The following KIF13B variants were observed in gnomAD, a reference collection of about 807,000 sequenced individuals.
The protein encoded by KIF13B is kinesin-like protein KIF13B.
Under a neutral mutation model 222.0 loss-of-function variants are expected in KIF13B, and 127 were observed. That is an observed-to-expected ratio of 0.57 (90% CI 0.50 to 0.66). The LOEUF (loss-of-function observed/expected upper bound fraction) is 0.66. KIF13B is among the 30% of genes least tolerant of loss of function. KIF13B has a pLI of 0.00. For synonymous variants in KIF13B, 976 were observed against 919.0 expected, an observed-to-expected ratio of 1.06 and a Z score of -1.12; for missense variants, 2,173 against 2,379.0, an observed-to-expected ratio of 0.91 and a Z score of 1.80.
In KIF13B at chr8:29,140,055, G is replaced by T; in HGVS notation, c.2613+8C>A. 1.3e-6 allele frequency: 2 copies of T among 1,572,220 alleles called. No homozygotes were observed. The highest frequency in any genetic ancestry group is 2.4e-5 in the East Asian group (1 of 42,328). On this transcript the variant is annotated splice_region_variant and intron_variant, in intron 21 of 39. Coordinates refer to ENST00000524189, the MANE Select transcript of KIF13B (RefSeq NM_015254.4). ...TCAACGTAATACTAGGATGAAGCTG[G>T]GACTTACCATGCACACCAGTTTGTT... is the stretch of plus-strand genomic sequence containing the variant.
At chr8:29,145,003 C>CT (rs1399915039) in intron 18 of KIF13B, among the ~76,000 whole-genome samples, 1 of 152,102 alleles carries the variant, frequency 6.6e-6, no homozygotes, top group South Asian at 2.1e-4. Flanking sequence ...CAGGTTTCTG[C>CT]TTTTTTCAAC....
At chr8:29,122,295 A>G (rs1052003402) in intron 29 of KIF13B, among the ~76,000 whole-genome samples, 1 of 152,198 alleles carries the variant, frequency 6.6e-6, no homozygotes, top group African/African-American at 2.4e-5. Context: ...AAATATTTTT[A>G]GTGCAGAAAA....
At chr8:29,131,259 C>A (rs190022879) in intron 23 of KIF13B, among the ~76,000 whole-genome samples, 1 of 151,522 alleles carries the variant, frequency 6.6e-6, no homozygotes, top group East Asian at 1.9e-4. Flanking sequence ...AATCACACCC[C>A]AAAGCTCAGC....
chr8:29,255,319 C>T (rs1214832139), intron 1 of KIF13B, among the ~76,000 whole-genome samples: 1 of 152,060 alleles, frequency 6.6e-6, no homozygotes, highest in Non-Finnish European at 1.5e-5. Flanking sequence ...AATGGATGAC[C>T]CCAGTACCCT....
At chr8:29,075,649 A>G (rs1032374916) in intron 37 of KIF13B, among the ~76,000 whole-genome samples, 1 of 152,234 alleles carries the variant, frequency 6.6e-6, no homozygotes, top group African/African-American at 2.4e-5. Flanking sequence ...TGTACAGACA[A>G]GCATTATGAG....
chr8:29,168,434 G>A (rs1348063007), intron 10 of KIF13B, among the ~76,000 whole-genome samples: 1 of 152,182 alleles, frequency 6.6e-6, no homozygotes, highest in Non-Finnish European at 1.5e-5. Context: ...ACCTCCTGGC[G>A]CCCACACCCT....
rs1204828151 is a variant in KIF13B at position 29,071,778 on chromosome 8, A to G, written c.5060T>C (p.Leu1687Pro). The G allele has an allele frequency of 1.3e-6, 2 of 1,548,768 alleles. No homozygotes were observed. The highest frequency in any genetic ancestry group is 2.0e-5 in the Admixed American group (1 of 50,990). Residue 1687 changes from leucine (L) to proline (P), a missense_variant, in exon 39 of 40, where the codon CTG (leucine) becomes CCG (proline). Physicochemically the swap from Leu to Pro is moderately conservative, Grantham distance 98. Transcript: ENST00000524189. The surrounding 1 kb of genome is among the most constrained non-coding windows in gnomAD (Gnocchi z 4.9). ...APAPGAGGQA[L>P]ASDSEEADEV... Reference sequence around the variant, plus strand: ...GTCAGCTTCCTCGGAATCAGAGGCCAGGGCCTGTCCCCCGGCGCCCGGGGC... The same window carrying G: ...GTCAGCTTCCTCGGAATCAGAGGCCGGGGCCTGTCCCCCGGCGCCCGGGGC...
At chr8:29,181,476 C>G (rs1330430732) in intron 7 of KIF13B, among the ~76,000 whole-genome samples, 1 of 152,124 alleles carries the variant, frequency 6.6e-6, no homozygotes, top group Non-Finnish European at 1.5e-5. Context: ...TTAGGTGCAA[C>G]TGAACACAAT....
intron 2 of KIF13B, among the ~76,000 whole-genome samples, chr8:29,226,555 A>G (rs1473637906): frequency 6.6e-6 from 1 of 152,174 alleles, no homozygotes; most frequent in African/African-American, 2.4e-5. Flanking sequence ...CAACCCTTGG[A>G]GCAATTCCAT....
chr8:29,178,711 GAAAC>G (rs1812588763), intron 8 of KIF13B, among the ~76,000 whole-genome samples: 1 of 144,360 alleles, frequency 6.9e-6, no homozygotes, highest in Non-Finnish European at 1.5e-5. Context: ...AAGGAAATAA[GAAAC>G]AAAGAACTTT....
rs183597488 is a variant in KIF13B, at chr8:29,099,179, G to A, written c.4278C>T (p.Ala1426=). Residue 1426 remains alanine, a synonymous_variant, in exon 36 of 40, where the codon GCC becomes GCT. Transcript: ENST00000524189. ...QTTVSRGIAP[A]PALSVSPQNN... is the part of the protein sequence containing the mutation. ...TTTGGGGAGAAACAGAGAGGGCGGG[G>A]GCAGGAGCTATTCCTCTGGAAACTG... 3.3e-4 allele frequency: 526 copies of A among 1,613,580 alleles called. 3 individuals carry two copies. The highest frequency in any genetic ancestry group is 1.9e-5 in the Non-Finnish European group (23 of 1,179,676).
intron 2 of KIF13B, among the ~76,000 whole-genome samples, chr8:29,201,264 T>C (rs1417403645): frequency 6.6e-6 from 1 of 152,240 alleles, no homozygotes; most frequent in Non-Finnish European, 1.5e-5. Flanking sequence ...TATGGCTGCA[T>C]ATCTGGGATA....
intron 37 of KIF13B, among the ~76,000 whole-genome samples, chr8:29,090,476 A>G (rs530254937): frequency 6.6e-6 from 1 of 152,270 alleles, no homozygotes; most frequent in African/African-American, 2.4e-5. Flanking sequence ...AAGTCAGGCG[A>G]AGGAAGTTGC....
At chr8:29,149,766 A>C (rs1811217758) in intron 15 of KIF13B, among the ~76,000 whole-genome samples, 1 of 152,170 alleles carries the variant, frequency 6.6e-6, no homozygotes, top group Non-Finnish European at 1.5e-5. Context: ...ACCAGACTTT[A>C]GCCATGACTT....
chr8:29,217,501 G>T lies in KIF13B; in HGVS notation c.150-21302C>A, dbSNP rs142509853. 3.2e-3 allele frequency among the ~76,000 whole-genome samples: 483 copies of T among 151,960 alleles called. 1 individual carries two copies. The highest frequency in any genetic ancestry group is 5.3e-3 in the Non-Finnish European group (363 of 68,026). On this transcript the variant is annotated intron_variant, in intron 2 of 39. Transcript: ENST00000524189. ...TTTCATGGGATTGCTATGAAGATTA[G>T]AACAGTGCCTGGCACATAATAAGCA...
intron 11 of KIF13B, among the ~76,000 whole-genome samples, 159 bp downstream of exon 11, chr8:29,167,214 C>T (rs1364476807): frequency 1.3e-5 from 2 of 152,178 alleles, no homozygotes; most frequent in Non-Finnish European, 2.9e-5. Flanking sequence ...ATATGACAAC[C>T]TTCCTTTATT....
chr8:29,240,327 GAAA>G, intron 2 of KIF13B, among the ~76,000 whole-genome samples: 1 of 130,512 alleles, frequency 7.7e-6, no homozygotes, highest in African/African-American at 2.8e-5. Flanking sequence ...CCGCAGCAGG[GAAA>G]AAAAAAAAAA....
intron 2 of KIF13B, among the ~76,000 whole-genome samples, chr8:29,204,543 A>T (rs1299349131): frequency 1.9e-4 from 29 of 152,358 alleles, no homozygotes; most frequent in African/African-American, 6.7e-4. Flanking sequence ...ATCTCTATAA[A>T]AATTTTAAAG....
chr8:29,202,288 G>A (rs1221085669), intron 2 of KIF13B, among the ~76,000 whole-genome samples: 2 of 152,144 alleles, frequency 1.3e-5, no homozygotes, highest in African/African-American at 2.4e-5. Context: ...AAGATATACT[G>A]GGGAAGGTTG....
Sources: allele counts gnomAD v4.1 joint callset (sites outside exome capture counted in the v4.1 genomes callset), GRCh38; gene constraint gnomAD v4.1.1; non-coding constraint Gnocchi (gnomAD v3.1); transcripts MANE v1.5; gene names NCBI Gene and HGNC (gene_info 2026-07-23, HGNC 2026-07-21).